Variants in RAP1GAP2 observed in about 807,000 individuals in gnomAD.
RAP1GAP2 encodes RAP1 GTPase activating protein 2.
In RAP1GAP2, 27 loss-of-function variants were observed where a neutral mutation model predicts 95.0. That is an observed-to-expected ratio of 0.28 (90% CI 0.21 to 0.39). RAP1GAP2 has a LOEUF of 0.39. Ranked by LOEUF, RAP1GAP2 falls within the 10% of genes least tolerant of loss-of-function variation. The pLI, the probability that RAP1GAP2 is intolerant of heterozygous loss-of-function variation, is 1.00. For synonymous variants in RAP1GAP2, 373 were observed against 380.9 expected (o/e 0.98, Z 0.24); for missense variants, 771 against 970.0 (o/e 0.79, Z 2.72).
At chr17:2,919,698 C>T (rs1446250882) in intron 3 of RAP1GAP2, among the ~76,000 whole-genome samples, 1 of 152,076 alleles carries the variant, frequency 6.6e-6, no homozygotes, top group Non-Finnish European at 1.5e-5. Flanking sequence ...CTCCTTTTTC[C>T]TTTTCTCTTT....
At position 2,991,338 on chromosome 17, in the gene RAP1GAP2, A is replaced by G. The variant is rs766262238; in HGVS notation, c.855A>G (p.Pro285=). The part of the protein sequence containing the change: ...EELFGNNEES[P]AFKEFLDLLG... Reference sequence around the variant, plus strand: ...TATTTGGGAACAATGAGGAGAGCCCAGCTTTTAAGGAGTTCTTGGACCTGC... The same window carrying G: ...TATTTGGGAACAATGAGGAGAGCCCGGCTTTTAAGGAGTTCTTGGACCTGC... The change falls in exon 12 of 25, where the codon CCA becomes CCG. Residue 285 remains proline (P), a synonymous_variant. Transcript: ENST00000254695. 12 of 1,607,184 alleles carry G rather than the reference A, an allele frequency of 7.5e-6. No homozygotes were observed. Among genetic ancestry groups the G allele is most frequent in the Non-Finnish European group, 1.0e-5 (12 of 1,176,988 alleles).
intron 2 of RAP1GAP2, among the ~76,000 whole-genome samples, chr17:2,829,424 C>G (rs1422720299): frequency 1.3e-5 from 2 of 152,050 alleles, no homozygotes. Context: ...GGTCGTGACC[C>G]CGTCGGTAGA....
intron 2 of RAP1GAP2, among the ~76,000 whole-genome samples, chr17:2,837,483 A>T (rs1242869081): frequency 6.6e-6 from 1 of 151,780 alleles, no homozygotes; most frequent in African/African-American, 2.4e-5. Flanking sequence ...TCGTCTGGTG[A>T]TGGGCATCGG....
At chr17:2,911,907 C>A (rs1024188493) in intron 3 of RAP1GAP2, among the ~76,000 whole-genome samples, 1 of 152,174 alleles carries the variant, frequency 6.6e-6, no homozygotes, top group Non-Finnish European at 1.5e-5. Flanking sequence ...TCCCTGGAGC[C>A]GCACCGGGCC....
chr17:2,811,671 G>A (rs1428971608), intron 2 of RAP1GAP2, among the ~76,000 whole-genome samples: 4 of 152,116 alleles, frequency 2.6e-5, no homozygotes, highest in African/African-American at 7.2e-5. Flanking sequence ...TCTGCCTCCC[G>A]GGTTCAAGTG....
intron 3 of RAP1GAP2, 82 bp downstream of exon 3, chr17:2,905,450 C>A: frequency 1.4e-6 from 2 of 1,379,586 alleles, no homozygotes; most frequent in Non-Finnish European, 2.0e-6. Context: ...GGCTCCAGGC[C>A]CAGCAGCGTC....
At chr17:2,946,632 C>T (rs187176716) in intron 3 of RAP1GAP2, among the ~76,000 whole-genome samples, 1 of 152,302 alleles carries the variant, frequency 6.6e-6, no homozygotes, top group East Asian at 1.9e-4. Context: ...GAGAGATGGT[C>T]CCTCCCACAC....
chr17:2,978,268 T>C (rs1218446362), intron 8 of RAP1GAP2, among the ~76,000 whole-genome samples: 1 of 152,204 alleles, frequency 6.6e-6, no homozygotes, highest in Non-Finnish European at 1.5e-5. Context: ...CTCTTTGTCA[T>C]ATCCAAAGTG....
intron 2 of RAP1GAP2, among the ~76,000 whole-genome samples, chr17:2,878,065 C>T (rs2073156171): frequency 6.6e-6 from 1 of 152,154 alleles, no homozygotes; most frequent in East Asian, 1.9e-4. Context: ...CATGGACACA[C>T]GCGTTACCTG....
intron 8 of RAP1GAP2, among the ~76,000 whole-genome samples, chr17:2,978,417 A>AGCGTGTAGGGCGT (rs2045216399): frequency 6.6e-6 from 1 of 152,082 alleles, no homozygotes; most frequent in African/African-American, 2.4e-5. Flanking sequence ...ATGGGTAGGG[A>AGCGTGTAGGGCGT]GCGTGTAGGG....
chr17:2,981,387 C>T lies in RAP1GAP2; in HGVS notation c.729+139C>T, dbSNP rs1247114541. ...AATAAGCTTCCATGTCTCCCTCTCT[C>T]CCTGCCCACCCCTTCACAAACTGCT... On this transcript the variant is annotated intron_variant, in intron 10 of 24. Transcript: ENST00000254695. The T allele has an allele frequency of 6.6e-6, 5 of 756,052 alleles. No individual in the cohort carries two copies. The East Asian group carries it at 1.4e-4, about 21-fold the overall frequency. The allele number at this position is 756,052 out of a possible 1,614,324, so 46.8% of individuals were successfully genotyped here. A position where few individuals can be genotyped will look rare whatever the true frequency, so the allele number is the denominator to read the frequency against.
At chr17:2,864,607 G>A (rs750972087) in intron 2 of RAP1GAP2, among the ~76,000 whole-genome samples, 1 of 152,236 alleles carries the variant, frequency 6.6e-6, no homozygotes, top group South Asian at 2.1e-4. Context: ...TGGGGAGCAG[G>A]AGGCTGGGGG....
At position 2,963,859 on chromosome 17, in the gene RAP1GAP2, G is replaced by C; in HGVS notation, c.283G>C (p.Val95Leu). 6.2e-7 allele frequency: 1 copy of C among 1,600,036 alleles called. No individual in the cohort carries two copies. ...YIPYPSIDEV[V>L]EKGGPYPQVI... The stretch of plus-strand genomic sequence containing the variant: ...ACGACCCTCCCTCTGCCTTCAGGTT[G>C]TGGAGAAGGGAGGCCCGTACCCTCA... Residue 95 changes from valine (V) to leucine (L), a missense_variant, in exon 7 of 25, where the codon GTG becomes CTG. Physicochemically the swap from Val to Leu is conservative, Grantham distance 32. Transcript: ENST00000254695. The surrounding 1 kb of genome is among the most constrained non-coding windows in gnomAD (Gnocchi z 4.8).
chr17:2,799,342 C>T (rs139655663), intron 1 of RAP1GAP2, among the ~76,000 whole-genome samples: 406 of 152,262 alleles, frequency 2.7e-3, no homozygotes, highest in African/African-American at 9.1e-3. Context: ...CCAGGCCCCT[C>T]GGGGTGCCGC....
chr17:2,943,680 A>G (rs1454765887), intron 3 of RAP1GAP2, among the ~76,000 whole-genome samples: 1 of 464 alleles, frequency 2.2e-3, no homozygotes, highest in Non-Finnish European at 0.01. Flanking sequence ...CAAACAAACA[A>G]AAAAAAACAA....
At chr17:2,908,703 C>A (rs544374226) in intron 3 of RAP1GAP2, among the ~76,000 whole-genome samples, 1 of 152,006 alleles carries the variant, frequency 6.6e-6, no homozygotes, top group Non-Finnish European at 1.5e-5. Flanking sequence ...GGATTCAATT[C>A]TTCTTCTTTT....
intron 2 of RAP1GAP2, among the ~76,000 whole-genome samples, chr17:2,801,465 A>C: frequency 1.0e-5 from 1 of 98,950 alleles, no homozygotes; most frequent in Non-Finnish European, 2.1e-5. Flanking sequence ...ACAGAGTGAG[A>C]CTCTGTCTCA....
At chr17:2,923,308 G>C (rs2042851810) in intron 3 of RAP1GAP2, among the ~76,000 whole-genome samples, 1 of 151,082 alleles carries the variant, frequency 6.6e-6, no homozygotes, top group African/African-American at 2.4e-5. Flanking sequence ...AAAGTGCTGG[G>C]GTTACAGGTG....
chr17:3,032,736 A>AAGCCCG (rs149005891), intron 24 of RAP1GAP2, among the ~76,000 whole-genome samples: 17,566 of 152,144 alleles, frequency 0.12, 1,367 homozygotes, highest in Middle Eastern at 0.17. Context: ...GGAGTCGCCC[A>AAGCCCG]AGCCCGCTTC....
Sources: allele counts gnomAD v4.1 joint callset (sites outside exome capture counted in the v4.1 genomes callset), GRCh38; gene constraint gnomAD v4.1.1; non-coding constraint Gnocchi (gnomAD v3.1); transcripts MANE v1.5; gene names NCBI Gene and HGNC (gene_info 2026-07-23, HGNC 2026-07-21).